IL1RAPL2: variants seen among roughly 807,000 people sequenced by gnomAD.
IL1RAPL2 encodes interleukin 1 receptor accessory protein like 2, also known as X-linked interleukin-1 receptor accessory protein-like 2.
IL1RAPL2 carries 3 observed loss-of-function variants against 44.1 expected under a neutral mutation model. That is an observed-to-expected ratio of 0.07 (90% confidence interval 0.03 to 0.18). IL1RAPL2 has a LOEUF of 0.18. Among genes scored for constraint, IL1RAPL2 ranks in the 10% least tolerant of loss-of-function variants. The pLI is 1.00. For missense variants in IL1RAPL2, 391 were observed against 496.4 expected, an observed-to-expected ratio of 0.79 and a Z score of 2.02; for synonymous variants, 181 against 178.8, an observed-to-expected ratio of 1.01 and a Z score of -0.10.
At chrX:105,124,424 A>AT (rs1569387503) in intron 2 of IL1RAPL2, among the ~76,000 whole-genome samples, 1 of 110,785 alleles carries the variant, frequency 9.0e-6, no homozygotes, top group African/African-American at 3.3e-5. Flanking sequence ...TGGCGTCAAG[A>AT]TTATATGATT....
chrX:104,742,348 AG>A (rs1433513340), intron 2 of IL1RAPL2, among the ~76,000 whole-genome samples: 1 of 111,830 alleles, frequency 8.9e-6, no homozygotes, highest in Non-Finnish European at 1.9e-5. Flanking sequence ...AGCAGCCTAA[AG>A]GAAAGAAAGG....
intron 5 of IL1RAPL2, among the ~76,000 whole-genome samples, chrX:105,272,310 A>G (rs2034453678): frequency 8.9e-6 from 1 of 112,043 alleles, no homozygotes; most frequent in African/African-American, 3.2e-5. Context: ...AAAGGCAGAC[A>G]TTACTTATAG....
intron 6 of IL1RAPL2, among the ~76,000 whole-genome samples, chrX:105,534,433 A>T (rs768489294): frequency 1.8e-5 from 2 of 111,777 alleles, no homozygotes; most frequent in African/African-American, 6.5e-5. Context: ...GCTTGAGTGG[A>T]TGGATACCTC....
chrX:105,264,303 C>T lies in IL1RAPL2; in HGVS notation c.544-3085C>T, dbSNP rs182895818. Among the ~76,000 whole-genome samples the T allele has an allele frequency of 1.9e-3, 214 of 111,504 alleles. 1 individual carries two copies. Among genetic ancestry groups the T allele is most frequent in the Non-Finnish European group, 3.5e-3 (185 of 53,098 alleles). ...TGATTGTAAGTTTCCTGAAGCATCC[C>T]CAGCCATGCAGAACTGTGAGTCAAT... On this transcript the variant is annotated intron_variant, in intron 4 of 10. Transcript: ENST00000372582.
Position 105,352,293 on chromosome X carries a change from CA to C in IL1RAPL2, c.697+84753del, listed in dbSNP as rs1357768915. Reference sequence around the variant, plus strand: ...TCCAAAATCTGAAAGCTACTCATTTCATAAATGAGAAAATTTAAAAAAGAAA... The same window carrying C: ...TCCAAAATCTGAAAGCTACTCATTTCTAAATGAGAAAATTTAAAAAAGAAA... On this transcript the variant is annotated intron_variant, in intron 5 of 10. Transcript: ENST00000372582. 4.5e-5 allele frequency among the ~76,000 whole-genome samples: 5 copies of C among 111,479 alleles called. No individual in the cohort carries two copies. In the East Asian group the frequency reaches 1.4e-3, roughly 31 times the overall value.
At chrX:105,540,987 A>G (rs1280697665) in intron 6 of IL1RAPL2, among the ~76,000 whole-genome samples, 1 of 85,174 alleles carries the variant, frequency 1.2e-5, no homozygotes, top group Non-Finnish European at 2.4e-5. Context: ...TTATATATAT[A>G]TATATAAAAT....
At chrX:104,749,221 C>T (rs141977703) in intron 2 of IL1RAPL2, among the ~76,000 whole-genome samples, 14 of 110,639 alleles carry the variant, frequency 1.3e-4, no homozygotes, top group African/African-American at 3.9e-4. Context: ...AGGATAGGGC[C>T]AAAGACCAGG....
chrX:104,771,101 C>T (rs1932634840), intron 2 of IL1RAPL2, among the ~76,000 whole-genome samples: 1 of 112,555 alleles, frequency 8.9e-6, no homozygotes, highest in Non-Finnish European at 1.9e-5. Flanking sequence ...ATGATCCCTG[C>T]TTCTTTCTAC....
chrX:104,705,143 C>T (rs1014558804), intron 2 of IL1RAPL2, among the ~76,000 whole-genome samples: 4 of 111,791 alleles, frequency 3.6e-5, no homozygotes, highest in African/African-American at 1.3e-4. Flanking sequence ...ATCTTACATT[C>T]ATTATGCCAT....
chrX:104,657,915 A>G (rs1410427294), intron 1 of IL1RAPL2, among the ~76,000 whole-genome samples: 3 of 112,383 alleles, frequency 2.7e-5, no homozygotes, highest in Non-Finnish European at 5.6e-5. Context: ...AACCACAATG[A>G]GATACCATCT....
chrX:104,766,264 C>A (rs754029817), intron 2 of IL1RAPL2, among the ~76,000 whole-genome samples: 26 of 112,117 alleles, frequency 2.3e-4, no homozygotes, highest in Non-Finnish European at 4.1e-4. Flanking sequence ...TCATAGAGGA[C>A]CTCTTCTAAA....
intron 2 of IL1RAPL2, among the ~76,000 whole-genome samples, chrX:104,935,814 A>G (rs748770554): frequency 1.8e-5 from 2 of 111,511 alleles, no homozygotes; most frequent in African/African-American, 3.3e-5. Context: ...AGTTCTTGGA[A>G]ACTTTGTTAA....
At chrX:105,437,242 G>A (rs1366165092) in intron 5 of IL1RAPL2, among the ~76,000 whole-genome samples, 1 of 109,748 alleles carries the variant, frequency 9.1e-6, no homozygotes, top group East Asian at 2.8e-4. Context: ...CAAGAATGGG[G>A]AAGTTTTGAG....
At chrX:105,745,040 A>G (rs2038529552) in intron 8 of IL1RAPL2, among the ~76,000 whole-genome samples, 2 of 111,365 alleles carry the variant, frequency 1.8e-5, no homozygotes, top group South Asian at 7.7e-4. Flanking sequence ...ATTTTTAAAC[A>G]TTACAAATTT....
At chrX:105,098,296 A>G (rs1014455691) in intron 2 of IL1RAPL2, among the ~76,000 whole-genome samples, 1 of 111,474 alleles carries the variant, frequency 9.0e-6, no homozygotes, top group Non-Finnish European at 1.9e-5. Context: ...ACTTTTCTTC[A>G]TCAGTCTCTT....
At position 105,449,741 on chromosome X, in the gene IL1RAPL2, G is replaced by A. The variant is rs750744515; in HGVS notation, c.698-34572G>A. Among the ~76,000 whole-genome samples the A allele has an allele frequency of 1.2e-4, 13 of 107,957 alleles. No individual in the cohort carries two copies. The South Asian group carries it at 2.0e-3, about 16-fold the overall frequency. 93.7% of individuals were successfully genotyped at this position (107,957 alleles called of 115,157 possible). A position where few individuals can be genotyped will look rare whatever the true frequency, so the allele number is the denominator to read the frequency against. On this transcript the variant is annotated intron_variant, in intron 5 of 10. Transcript: ENST00000372582. ...CAGCTTGGTGACAGAGTGAGATTCC[G>A]TCAAAAAAAAAACAAAAAACAAAAA... is the stretch of plus-strand genomic sequence containing the variant.
At chrX:105,733,199 T>C (rs2038419183) in intron 7 of IL1RAPL2, among the ~76,000 whole-genome samples, 1 of 111,915 alleles carries the variant, frequency 8.9e-6, no homozygotes, top group South Asian at 3.7e-4. Flanking sequence ...CACTCTCTTC[T>C]TGCTTGCATG....
chrX:104,809,133 T>C (rs902037238), intron 2 of IL1RAPL2, among the ~76,000 whole-genome samples: 2 of 111,927 alleles, frequency 1.8e-5, no homozygotes, highest in Non-Finnish European at 3.8e-5. Flanking sequence ...GGACCACTGA[T>C]AGTTATGTTT....
At chrX:105,327,743 G>A (rs932154897) in intron 5 of IL1RAPL2, among the ~76,000 whole-genome samples, 5 of 111,304 alleles carry the variant, frequency 4.5e-5, no homozygotes, top group Non-Finnish European at 9.4e-5. Flanking sequence ...GTCATAGAAA[G>A]GGTTAGTTTA....
Sources: gnomAD v4.1 joint callset for allele counts (sites outside exome capture counted in the v4.1 genomes callset) on GRCh38, gnomAD v4.1.1 for gene constraint, MANE v1.5 for transcripts, NCBI Gene and HGNC (gene_info 2026-07-23, HGNC 2026-07-21) for gene names.